Variants in NDUFAF1 observed in about 807,000 individuals in gnomAD.
NDUFAF1 encodes the protein NADH:ubiquinone oxidoreductase complex assembly factor 1.
In NDUFAF1, 18 loss-of-function variants were observed where a neutral mutation model predicts 28.7. The observed-to-expected ratio is 0.63, with a 90% CI of 0.43 to 0.93. NDUFAF1 has a LOEUF of 0.93. Among genes scored for constraint, NDUFAF1 ranks in the 40% least tolerant of loss-of-function variants. The probability of loss-of-function intolerance (pLI) is 0.00; values close to 1 mark genes in which losing one functional copy is unlikely to be tolerated. For synonymous variants in NDUFAF1, 113 were observed against 139.7 expected (o/e 0.81, Z 1.35); for missense variants, 404 against 398.3 (o/e 1.01, Z -0.12).
At chr15:41,392,784 C>G (rs1036950755) in intron 3 of NDUFAF1, among the ~76,000 whole-genome samples, 2 of 152,184 alleles carry the variant, frequency 1.3e-5, no homozygotes, top group African/African-American at 4.8e-5. Context: ...CAGACTAATA[C>G]AGCTTACATG....
At chr15:41,394,693 G>A (rs904627447) in intron 3 of NDUFAF1, among the ~76,000 whole-genome samples, 166 bp downstream of exon 3, 2 of 140,814 alleles carry the variant, frequency 1.4e-5, no homozygotes, top group African/African-American at 5.4e-5. Context: ...GAGTACAATG[G>A]CACGATCAGA....
intron 3 of NDUFAF1, among the ~76,000 whole-genome samples, chr15:41,391,804 A>G (rs994453805): frequency 7.2e-5 from 11 of 152,116 alleles, no homozygotes; most frequent in Admixed American, 2.6e-4. Flanking sequence ...GGCCTCTCTG[A>G]GGCAACTTTT....
rs748339568 is a variant in NDUFAF1 at position 41,401,434 on chromosome 15, C to CT, written c.-82+709dup. On this transcript the variant is annotated intron_variant, in intron 1 of 4. Transcript: ENST00000260361. ...TACAGGTGCCCGCCACCATGCCCAA[C>CT]TTTTTTTTTTTTTTTTTTAAGACAG... Among the ~76,000 whole-genome samples the CT allele has an allele frequency of 4.7e-3, 655 of 138,428 alleles. 6 individuals carry two copies. Among genetic ancestry groups the CT allele is most frequent in the Middle Eastern group, 0.011 (3 of 264 alleles). The allele number at this position is 138,428 out of a possible 152,430, so 90.8% of individuals were successfully genotyped here.
intron 1 of NDUFAF1, among the ~76,000 whole-genome samples, chr15:41,399,129 G>A (rs775277577): frequency 2.0e-4 from 31 of 152,046 alleles, no homozygotes; most frequent in Non-Finnish European, 3.7e-4. Flanking sequence ...GGCCTGGCAC[G>A]GTGGCTCATG....
At chr15:41,393,542 A>G (rs59590312) in intron 3 of NDUFAF1, among the ~76,000 whole-genome samples, 57,691 of 150,238 alleles carry the variant, frequency 0.38, 11,970 homozygotes, top group African/African-American at 0.55. Flanking sequence ...CACCCGCCTC[A>G]GCCTCCCAAA....
chr15:41,394,505 T>C, intron 3 of NDUFAF1: 1 of 626,204 alleles, frequency 1.6e-6, no homozygotes, highest in Non-Finnish European at 2.5e-6. Flanking sequence ...AACATTTATA[T>C]TAATGAAACA....
chr15:41,401,739 A>T (rs1304980811), intron 1 of NDUFAF1, among the ~76,000 whole-genome samples: 1 of 152,148 alleles, frequency 6.6e-6, no homozygotes, highest in Admixed American at 6.6e-5. Context: ...ATTATCAATA[A>T]GGTTTGTTGA....
At chr15:41,389,496 C>A (rs2140909552) in intron 3 of NDUFAF1, among the ~76,000 whole-genome samples, 1 of 152,132 alleles carries the variant, frequency 6.6e-6, no homozygotes, top group Non-Finnish European at 1.5e-5. Flanking sequence ...AATGGCTGGG[C>A]CTGGTTGTGC....
rs562570832 is a variant in NDUFAF1 at position 41,395,660 on chromosome 15, G to A, written c.574-616C>T. Among the ~76,000 whole-genome samples, 132 of 136,156 alleles carry A rather than the reference G, an allele frequency of 9.7e-4. 1 individual carries two copies. In the South Asian group the frequency reaches 0.028, roughly 29 times the overall value. 89.3% of individuals were successfully genotyped at this position (136,156 alleles called of 152,430 possible). A position where few individuals can be genotyped will look rare whatever the true frequency, so the allele number is the denominator to read the frequency against. ...GTGGGGATTACAGGCATGAGCCACT[G>A]CGCCCGGCCTTTTTTTTTTTTTTTT... On this transcript the variant is annotated intron_variant, in intron 2 of 4. Transcript: ENST00000260361.
chr15:41,395,135 C>T, intron 2 of NDUFAF1, 91 bp from the exon 3 acceptor site: 1 of 1,214,642 alleles, frequency 8.2e-7, no homozygotes, highest in Non-Finnish European at 1.2e-6. Context: ...CAACAGGATG[C>T]ACTAACCATT....
Position 41,402,285 on chromosome 15 carries a change from C to A in NDUFAF1, c.-223G>T, listed in dbSNP as rs1453760593. ...CCGAGGTCACACAGGTAGTGAGTGG[C>A]AAAATTCTTCCGCCTTGGCGTATAC... On this transcript the variant is annotated 5_prime_UTR_variant, in exon 1 of 5. Transcript: ENST00000260361. 1 of 453,978 alleles carries A rather than the reference C, an allele frequency of 2.2e-6. No individual in the cohort carries two copies. The highest frequency in any genetic ancestry group is 4.4e-6 in the Non-Finnish European group (1 of 226,798). The allele number at this position is 453,978 out of a possible 1,614,324, so 28.1% of individuals were successfully genotyped here. A position where few individuals can be genotyped will look rare whatever the true frequency, so the allele number is the denominator to read the frequency against.
intron 1 of NDUFAF1, among the ~76,000 whole-genome samples, chr15:41,401,617 G>C (rs1052033007): frequency 4.0e-5 from 6 of 151,178 alleles, no homozygotes; most frequent in African/African-American, 1.5e-4. Context: ...GTAGAGACAG[G>C]GTTTCACCAT....
chr15:41,395,795 C>T (rs1322566808), intron 2 of NDUFAF1, among the ~76,000 whole-genome samples: 1 of 151,190 alleles, frequency 6.6e-6, no homozygotes, highest in African/African-American at 2.4e-5. Context: ...CTGCCTCAGC[C>T]TCCCAAGTAC....
intron 1 of NDUFAF1, 66 bp downstream of exon 1, chr15:41,402,078 G>A: frequency 2.7e-6 from 1 of 377,330 alleles, no homozygotes; most frequent in Non-Finnish European, 5.6e-6. Flanking sequence ...GGTTGACGGT[G>A]GGTTTTGACA....
At chr15:41,389,793 TAAATAA>T (rs2050295739) in intron 3 of NDUFAF1, among the ~76,000 whole-genome samples, 2 of 93,204 alleles carry the variant, frequency 2.1e-5, no homozygotes, top group South Asian at 6.1e-4. Flanking sequence ...TTAATGAACA[TAAATAA>T]AAATGAATTA....
At position 41,399,855 on chromosome 15, in the gene NDUFAF1, CAAAAAAA is replaced by C. The variant is rs35139337; in HGVS notation, c.-82+2282_-82+2288del. 6.4e-4 allele frequency among the ~76,000 whole-genome samples: 27 copies of C among 42,060 alleles called. 1 individual carries two copies. The highest frequency in any genetic ancestry group is 2.0e-3 in the South Asian group (2 of 1,008). The allele number at this position is 42,060 out of a possible 152,430, so 27.6% of individuals were successfully genotyped here. On this transcript the variant is annotated intron_variant, in intron 1 of 4. Coordinates refer to ENST00000260361, the MANE Select transcript of NDUFAF1 (RefSeq NM_016013.4). Reference sequence around the variant, plus strand: ...TGGGCGACAGAGCGAGACTCCTTCTCAAAAAAAAAAAAAAAAAAAAAAAAAATACAAA... The same window carrying C: ...TGGGCGACAGAGCGAGACTCCTTCTCAAAAAAAAAAAAAAAAAAATACAAA...
chr15:41,394,752 A>C, intron 3 of NDUFAF1, 107 bp downstream of exon 3: 1 of 1,136,812 alleles, frequency 8.8e-7, no homozygotes, highest in Non-Finnish European at 1.3e-6. Flanking sequence ...TCCTGACCTC[A>C]GGTGATCCAC....
At position 41,396,658 on chromosome 15, in the gene NDUFAF1, AT is replaced by A. The variant is rs1340547192; in HGVS notation, c.401del (p.Asp134ValfsTer5). 1 of 1,613,968 alleles carries A rather than the reference AT, an allele frequency of 6.2e-7. No individual in the cohort carries two copies. Among genetic ancestry groups the A allele is most frequent in the East Asian group, 2.2e-5 (1 of 44,890 alleles). On this transcript the variant is annotated frameshift_variant, in exon 2 of 5. Coordinates refer to ENST00000260361, the MANE Select transcript of NDUFAF1 (RefSeq NM_016013.4). LOFTEE classifies it high-confidence loss of function. ...VWQFRGKEDL[D>X]KWTVTSDKTI... is the part of the protein sequence containing the mutation. ...TCTTATCAGAAGTCACTGTCCACTT[AT>A]CCAAATCTTCTTTCCCCCGGAATTG...
chr15:41,394,164 G>T (rs943507758), intron 3 of NDUFAF1: 14 of 446,706 alleles, frequency 3.1e-5, no homozygotes, highest in African/African-American at 1.0e-4. Context: ...GAGTAGCTGG[G>T]ATTACAGGCA....
Sources: gnomAD v4.1 joint callset for allele counts (sites outside exome capture counted in the v4.1 genomes callset) on GRCh38, gnomAD v4.1.1 for gene constraint, MANE v1.5 for transcripts, NCBI Gene and HGNC (gene_info 2026-07-23, HGNC 2026-07-21) for gene names.